Variants in ZZZ3 observed in about 807,000 individuals in gnomAD.
The protein encoded by ZZZ3 is zinc finger ZZ-type containing 3.
In ZZZ3, 22 loss-of-function variants were observed where a neutral mutation model predicts 95.2. That is an observed-to-expected ratio of 0.23 (90% CI 0.17 to 0.33). The LOEUF (loss-of-function observed/expected upper bound fraction) is 0.33, where lower values mean the gene tolerates loss of function less well. Ranked by LOEUF, ZZZ3 falls within the 10% of genes least tolerant of loss-of-function variation. The probability of loss-of-function intolerance (pLI) is 1.00; values close to 1 mark genes in which losing one functional copy is unlikely to be tolerated. For synonymous variants in ZZZ3, 335 were observed against 358.9 expected, an observed-to-expected ratio of 0.93 and a Z score of 0.75; for missense variants, 885 against 1,066.5, an observed-to-expected ratio of 0.83 and a Z score of 2.37.
chr1:77,613,769 A>G (rs1376016234), intron 5 of ZZZ3, among the ~76,000 whole-genome samples: 2 of 152,160 alleles, frequency 1.3e-5, no homozygotes, highest in Non-Finnish European at 2.9e-5. Flanking sequence ...CTGATAAACT[A>G]AACAAGTTAT....
At position 77,592,248 on chromosome 1, in the gene ZZZ3, G is replaced by A. The variant is rs140240919; in HGVS notation, c.1506-7593C>T. Reference sequence around the variant, plus strand: ...ACAGAAGCAAATGCAATCCTGTCTAGAGAAATATGTTTTCATCCTGGGCCT... The same window carrying A: ...ACAGAAGCAAATGCAATCCTGTCTAAAGAAATATGTTTTCATCCTGGGCCT... On this transcript the variant is annotated intron_variant, in intron 5 of 14. Transcript: ENST00000370801. Among the ~76,000 whole-genome samples, 122 of 152,292 alleles carry A rather than the reference G, an allele frequency of 8.0e-4. 1 individual carries two copies. Among genetic ancestry groups the A allele is most frequent in the African/African-American group, 2.6e-3 (109 of 41,564 alleles).
intron 4 of ZZZ3, 51 bp downstream of exon 4, chr1:77,639,398 G>T (rs975442144): frequency 6.6e-6 from 9 of 1,368,260 alleles, no homozygotes; most frequent in South Asian, 1.6e-5. Context: ...AAAAAAAGAA[G>T]AAGAAGTCAA....
chr1:77,680,591 G>A (rs2101101006), intron 1 of ZZZ3, among the ~76,000 whole-genome samples: 1 of 152,186 alleles, frequency 6.6e-6, no homozygotes, highest in South Asian at 2.1e-4. Flanking sequence ...TTTGGCGGGG[G>A]GAAATTACAA....
chr1:77,649,224 A>G (rs1237867033), intron 1 of ZZZ3, among the ~76,000 whole-genome samples: 2 of 152,196 alleles, frequency 1.3e-5, no homozygotes, highest in Non-Finnish European at 2.9e-5. Context: ...TTAAAAATCA[A>G]TAATATAAAG....
At chr1:77,582,744 T>C (rs371928464) in intron 6 of ZZZ3, among the ~76,000 whole-genome samples, 1 of 151,682 alleles carries the variant, frequency 6.6e-6, no homozygotes, top group South Asian at 2.1e-4. Flanking sequence ...TATATTTCCA[T>C]GTAATTGTAT....
At chr1:77,678,508 T>C (rs1672471539) in intron 1 of ZZZ3, among the ~76,000 whole-genome samples, 1 of 152,178 alleles carries the variant, frequency 6.6e-6, no homozygotes, top group African/African-American at 2.4e-5. Flanking sequence ...AGAATAAAAG[T>C]TCATTATTAA....
chr1:77,608,205 A>G (rs1283778756), intron 5 of ZZZ3, among the ~76,000 whole-genome samples: 1 of 152,220 alleles, frequency 6.6e-6, no homozygotes, highest in Non-Finnish European at 1.5e-5. Context: ...ACCTCAAGTC[A>G]TTTAATAATC....
intron 5 of ZZZ3, among the ~76,000 whole-genome samples, chr1:77,629,049 T>G (rs185778144): frequency 6.6e-6 from 1 of 152,168 alleles, no homozygotes; most frequent in Admixed American, 6.5e-5. Flanking sequence ...AGAAATTTAC[T>G]TGAGACTTGA....
At chr1:77,671,651 A>C (rs1671794170) in intron 1 of ZZZ3, among the ~76,000 whole-genome samples, 2 of 152,196 alleles carry the variant, frequency 1.3e-5, no homozygotes, top group South Asian at 4.1e-4. Context: ...GGTTGTAGGG[A>C]GTACTAATGA....
chr1:77,676,828 T>TA (rs1473571747), intron 1 of ZZZ3, among the ~76,000 whole-genome samples: 3 of 151,964 alleles, frequency 2.0e-5, no homozygotes, highest in African/African-American at 7.2e-5. Context: ...TGAGAAAAAT[T>TA]AAAAAATTAA....
chr1:77,589,082 G>A (rs796492561), intron 5 of ZZZ3, among the ~76,000 whole-genome samples: 7 of 152,188 alleles, frequency 4.6e-5, no homozygotes, highest in East Asian at 1.9e-4. Context: ...TTGCTGTGTC[G>A]CCCAGGCTGA....
Position 77,582,014 on chromosome 1 carries a change from C to T in ZZZ3, c.1757G>A (p.Arg586Lys). 6.2e-7 allele frequency: 1 copy of T among 1,610,072 alleles called. No individual in the cohort carries two copies. Among genetic ancestry groups the T allele is most frequent in the Non-Finnish European group, 8.5e-7 (1 of 1,176,816 alleles). The change falls in exon 7 of 15, where the codon AGA (arginine) becomes AAA (lysine). Residue 586 changes from arginine (R) to lysine (K), a missense_variant. By Grantham distance (26) the Arg-to-Lys change is conservative. Around this residue, in one of 5 missense-constraint regions of ZZZ3, gnomAD observed 99 missense variants for 119.8 expected, o/e 0.83. Coordinates refer to ENST00000370801, the MANE Select transcript of ZZZ3 (RefSeq NM_015534.6). ...AACTAGCTTAACTCTTCTAGTATGT[C>T]TTTTACGATTTTTAAATTCTCTTTC... Reference protein sequence around the residue: ...NFEREFKNRKRHTRRVKLVFD... With the variant: ...NFEREFKNRKKHTRRVKLVFD...
intron 1 of ZZZ3, among the ~76,000 whole-genome samples, chr1:77,672,237 A>T (rs1330105147): frequency 6.6e-6 from 1 of 152,190 alleles, no homozygotes; most frequent in East Asian, 1.9e-4. Flanking sequence ...AAATTCCCTG[A>T]TAGGTGCCAG....
At chr1:77,625,101 A>C (rs1667222979) in intron 5 of ZZZ3, among the ~76,000 whole-genome samples, 1 of 152,218 alleles carries the variant, frequency 6.6e-6, no homozygotes, top group Non-Finnish European at 1.5e-5. Flanking sequence ...CACTTCTATA[A>C]AAAATTACCA....
chr1:77,619,321 C>T (rs1303167105), intron 5 of ZZZ3, among the ~76,000 whole-genome samples: 1 of 152,132 alleles, frequency 6.6e-6, no homozygotes, highest in African/African-American at 2.4e-5. Context: ...TTCATAGTAA[C>T]TGCAAAGACA....
intron 5 of ZZZ3, among the ~76,000 whole-genome samples, chr1:77,603,613 G>A (rs949160001): frequency 2.6e-5 from 4 of 152,036 alleles, no homozygotes; most frequent in East Asian, 1.9e-4. Flanking sequence ...TTAAACATCC[G>A]GGTGCCCATT....
intron 1 of ZZZ3, among the ~76,000 whole-genome samples, chr1:77,677,896 A>C (rs1434148612): frequency 6.6e-6 from 1 of 152,236 alleles, no homozygotes; most frequent in Non-Finnish European, 1.5e-5. Context: ...ATTAATTCCC[A>C]AAATCTAATT....
chr1:77,582,217 A>G, intron 6 of ZZZ3, 91 bp from the exon 7 acceptor site: 4 of 1,158,674 alleles, frequency 3.5e-6, no homozygotes, highest in Non-Finnish European at 4.8e-6. Context: ...AGATGACTCC[A>G]AATCCAAATA....
chr1:77,604,082 C>G (rs1664998636), intron 5 of ZZZ3, among the ~76,000 whole-genome samples: 1 of 152,126 alleles, frequency 6.6e-6, no homozygotes. Context: ...GTGGGAGGAT[C>G]GCTTGAGCCC....
Sources: allele counts gnomAD v4.1 joint callset (sites outside exome capture counted in the v4.1 genomes callset), GRCh38; gene constraint gnomAD v4.1.1; regional missense constraint gnomAD v4.1.1; transcripts MANE v1.5; gene names NCBI Gene and HGNC (gene_info 2026-07-23, HGNC 2026-07-21).